The following TMEM266 variants were observed in gnomAD, a reference collection of about 807,000 sequenced individuals.
The protein encoded by TMEM266 is transmembrane protein 266.
Under a neutral mutation model 50.5 loss-of-function variants are expected in TMEM266, and 33 were observed. The ratio of observed to expected loss-of-function variants is 0.65; its 90% confidence interval spans 0.50 to 0.87. The LOEUF (loss-of-function observed/expected upper bound fraction) is 0.87, where lower values mean the gene tolerates loss of function less well. Ranked by LOEUF, TMEM266 falls within the 40% of genes least tolerant of loss-of-function variation. The pLI, the probability that TMEM266 is intolerant of heterozygous loss-of-function variation, is 0.00. For missense variants in TMEM266, 655 were observed against 695.1 expected, an observed-to-expected ratio of 0.94 and a Z score of 0.65; for synonymous variants, 310 against 292.3, an observed-to-expected ratio of 1.06 and a Z score of -0.62.
intron 8 of TMEM266, among the ~76,000 whole-genome samples, chr15:76,190,130 G>A (rs543386312): frequency 6.6e-6 from 1 of 152,368 alleles, no homozygotes; most frequent in African/African-American, 2.4e-5. Flanking sequence ...AGAGAATTCA[G>A]ATAGGCTGAT....
At chr15:76,162,207 G>A (rs1021943960) in intron 5 of TMEM266, among the ~76,000 whole-genome samples, 1 of 152,178 alleles carries the variant, frequency 6.6e-6, no homozygotes, top group Non-Finnish European at 1.5e-5. Context: ...GTCAAAGATG[G>A]TGAGGGGGTG....
chr15:76,178,482 C>T (rs913409090), intron 8 of TMEM266: 1 of 152,336 alleles, frequency 6.6e-6, no homozygotes, highest in Admixed American at 6.5e-5. Flanking sequence ...GCTGCATCCG[C>T]CCCTCATAAA....
intron 1 of TMEM266, among the ~76,000 whole-genome samples, chr15:76,086,996 T>C (rs1424176762): frequency 6.6e-6 from 1 of 151,906 alleles, no homozygotes; most frequent in Non-Finnish European, 1.5e-5. Flanking sequence ...CATGGAAAGT[T>C]GGGGCTTTCC....
chr15:76,179,893 G>T (rs771330260), intron 8 of TMEM266, among the ~76,000 whole-genome samples: 9 of 152,152 alleles, frequency 5.9e-5, no homozygotes, highest in Non-Finnish European at 1.0e-4. Flanking sequence ...GTTTGAGGCT[G>T]CAGTGAGCTG....
chr15:76,191,956 C>T lies in TMEM266; in HGVS notation c.769-12C>T, dbSNP rs1200082937. Reference sequence around the variant, plus strand: ...TCGCCGCTGATTCAGCCTTGCCCGTCTCCCTCCGCAGTTTGAGATCCGGCA... The same window carrying T: ...TCGCCGCTGATTCAGCCTTGCCCGTTTCCCTCCGCAGTTTGAGATCCGGCA... On this transcript the variant is annotated splice_polypyrimidine_tract_variant and intron_variant, in intron 8 of 10. Coordinates refer to ENST00000388942, the MANE Select transcript of TMEM266 (RefSeq NM_152335.3). 3.2e-6 allele frequency: 5 copies of T among 1,575,414 alleles called. No homozygotes were observed. The highest frequency in any genetic ancestry group is 4.3e-6 in the Non-Finnish European group (5 of 1,166,796).
At chr15:76,099,667 C>T (rs1371201802) in intron 1 of TMEM266, among the ~76,000 whole-genome samples, 1 of 152,178 alleles carries the variant, frequency 6.6e-6, no homozygotes, top group Non-Finnish European at 1.5e-5. Context: ...TGTCAGGCCC[C>T]AGAATGTACG....
intron 4 of TMEM266, among the ~76,000 whole-genome samples, 165 bp from the exon 5 acceptor site, chr15:76,159,930 G>A (rs549007385): frequency 6.6e-6 from 1 of 152,144 alleles, no homozygotes; most frequent in African/African-American, 2.4e-5. Flanking sequence ...CACTGCAGAC[G>A]CCAGCTGAAG....
intron 3 of TMEM266, among the ~76,000 whole-genome samples, chr15:76,151,261 A>G (rs2142042738): frequency 6.6e-6 from 1 of 152,282 alleles, no homozygotes; most frequent in East Asian, 1.9e-4. Flanking sequence ...TTGGCCCACT[A>G]AGCCCCTTGA....
chr15:76,089,341 C>T lies in TMEM266; in HGVS notation c.-97+29325C>T, dbSNP rs923068811. Among the ~76,000 whole-genome samples, 8 of 151,826 alleles carry T rather than the reference C, an allele frequency of 5.3e-5. No homozygotes were observed. The East Asian group carries it at 9.9e-4, about 19-fold the overall frequency. ...TCAAGTAGCTGGATCTACAGGCGCC[C>T]GCCACCACGCCCGGCTAATTTTTTT... On this transcript the variant is annotated intron_variant, in intron 1 of 10. Transcript: ENST00000388942.
At chr15:76,203,002 C>G (rs2038773730) in intron 10 of TMEM266, among the ~76,000 whole-genome samples, 1 of 151,874 alleles carries the variant, frequency 6.6e-6, no homozygotes, top group Non-Finnish European at 1.5e-5. Context: ...ACCACCGTCT[C>G]CAGCCCAGAC....
chr15:76,171,998 C>T (rs911299783), intron 7 of TMEM266, among the ~76,000 whole-genome samples: 1 of 152,166 alleles, frequency 6.6e-6, no homozygotes, highest in Admixed American at 6.5e-5. Context: ...AGACTCAAGT[C>T]GCTGGGCTCC....
rs752239257 is a variant in TMEM266, at chr15:76,137,914, G to A, written c.227+19G>A. On this transcript the variant is annotated intron_variant, in intron 3 of 10. Coordinates refer to ENST00000388942, the MANE Select transcript of TMEM266 (RefSeq NM_152335.3). ...GAGAAGGGTAGGTGCTGGGACCATT[G>A]AGCTAGCTAAGAAGTCCCTGGGTTA... is the stretch of plus-strand genomic sequence containing the variant. The A allele has an allele frequency of 4.5e-6, 7 of 1,538,584 alleles. No homozygotes were observed. In the African/African-American group the frequency reaches 9.7e-5, roughly 21 times the overall value.
At chr15:76,140,159 T>C (rs531882661) in intron 3 of TMEM266, among the ~76,000 whole-genome samples, 2 of 152,256 alleles carry the variant, frequency 1.3e-5, no homozygotes, top group East Asian at 3.9e-4. Flanking sequence ...GCTGTTCCCG[T>C]TGGGTAAATA....
chr15:76,075,484 G>A (rs1326100826), intron 1 of TMEM266, among the ~76,000 whole-genome samples: 1 of 152,104 alleles, frequency 6.6e-6, no homozygotes, highest in Non-Finnish European at 1.5e-5. Flanking sequence ...CAATATGAAG[G>A]TCATGGCTTA....
Position 76,102,808 on chromosome 15 carries a change from C to A in TMEM266, c.-96-31360C>A, listed in dbSNP as rs1470030695. On this transcript the variant is annotated intron_variant, in intron 1 of 10. Transcript: ENST00000388942. Reference sequence around the variant, plus strand: ...GAGCCAAGATGATGCCAGTGCACTCCAGCCTGGGCAACAGAGTGAGACCCT... The same window carrying A: ...GAGCCAAGATGATGCCAGTGCACTCAAGCCTGGGCAACAGAGTGAGACCCT... Among the ~76,000 whole-genome samples, 14 of 143,110 alleles carry A rather than the reference C, an allele frequency of 9.8e-5. No individual in the cohort carries two copies. The Admixed American group carries it at 1.0e-3, about 10-fold the overall frequency. The allele number at this position is 143,110 out of a possible 152,430, so 93.9% of individuals were successfully genotyped here. A position where few individuals can be genotyped will look rare whatever the true frequency, so the allele number is the denominator to read the frequency against.
intron 9 of TMEM266, among the ~76,000 whole-genome samples, chr15:76,200,966 C>T (rs929155665): frequency 6.6e-6 from 1 of 152,212 alleles, no homozygotes; most frequent in Non-Finnish European, 1.5e-5. Context: ...AGACTGGCTT[C>T]TGCAGCTCAC....
chr15:76,158,099 C>G (rs1447021783), intron 4 of TMEM266, among the ~76,000 whole-genome samples: 2 of 152,216 alleles, frequency 1.3e-5, no homozygotes, highest in Non-Finnish European at 2.9e-5. Context: ...TAGATCCAGT[C>G]ACCTCCAAAC....
chr15:76,121,858 G>C (rs1322497683), intron 1 of TMEM266, among the ~76,000 whole-genome samples: 37 of 152,230 alleles, frequency 2.4e-4, no homozygotes, highest in Admixed American at 2.4e-3. Context: ...TCACTTCTTT[G>C]ATGTAAATGT....
chr15:76,101,776 C>A (rs1326903927), intron 1 of TMEM266, among the ~76,000 whole-genome samples: 2 of 152,244 alleles, frequency 1.3e-5, no homozygotes. Context: ...CCTCTCACAG[C>A]CAGAGCAGAG....
Sources: gnomAD v4.1 joint callset for allele counts (sites outside exome capture counted in the v4.1 genomes callset) on GRCh38, gnomAD v4.1.1 for gene constraint, MANE v1.5 for transcripts, NCBI Gene and HGNC (gene_info 2026-07-23, HGNC 2026-07-21) for gene names.